The following PARP10 variants were observed in gnomAD, a reference collection of about 807,000 sequenced individuals.
The protein encoded by PARP10 is protein mono-ADP-ribosyltransferase PARP10.
Under a neutral mutation model 82.4 loss-of-function variants are expected in PARP10, and 56 were observed. That is an observed-to-expected ratio of 0.68 (90% confidence interval 0.55 to 0.85). The LOEUF is 0.85. PARP10 is among the 40% of genes least tolerant of loss of function. The pLI is 0.00. For missense variants in PARP10, 1,227 were observed against 1,379.4 expected (o/e 0.89, Z 1.75); for synonymous variants, 576 against 601.1 (o/e 0.96, Z 0.61).
At position 143,977,505 on chromosome 8, in the gene PARP10, C is replaced by G. The variant is rs781846023; in HGVS notation, c.3057G>C (p.Pro1019=). The change falls in exon 11 of 11, where the codon CCG becomes CCC. Residue 1019 remains proline, a synonymous_variant. Transcript: ENST00000313028. ...TCGGTTAAGTGTCTGGGGAGCGGCCCGGGAGCCCAGAGGGGTCGTCGGGGG... is the reference window on the plus strand; with the variant it reads ...TCGGTTAAGTGTCTGGGGAGCGGCCGGGGAGCCCAGAGGGGTCGTCGGGGG... ...RASPDDPSGL[P]GRSPDT is the part of the protein sequence containing the mutation. 1.9e-6 allele frequency: 3 copies of G among 1,553,136 alleles called. No individual in the cohort carries two copies. The highest frequency in any genetic ancestry group is 1.7e-6 in the Non-Finnish European group (2 of 1,148,360).
chr8:143,989,382 A>G (rs551354374), upstream of PARP10: 2 of 152,382 alleles, frequency 1.3e-5, no homozygotes, highest in South Asian at 4.1e-4. The surrounding 1 kb of genome is among the most constrained non-coding windows in gnomAD (Gnocchi z 4.3). Context: ...TGTGAAAACA[A>G]GACATCGTAT....
chr8:143,996,989 G>C (rs976462416), intron 1 of PARP10, among the ~76,000 whole-genome samples: 3 of 152,154 alleles, frequency 2.0e-5, no homozygotes, highest in Non-Finnish European at 4.4e-5. Flanking sequence ...CAGCGGGAAG[G>C]GGGAGGGGAG....
Position 143,983,581 on chromosome 8 carries a change from C to T in PARP10, c.2008G>A (p.Val670Met). 1 of 1,606,308 alleles carries T rather than the reference C, an allele frequency of 6.2e-7. No homozygotes were observed. Among genetic ancestry groups the T allele is most frequent in the South Asian group, 1.1e-5 (1 of 89,766 alleles). Residue 670 changes from valine (V) to methionine (M), a missense_variant, in exon 8 of 11, where the codon GTG (valine) becomes ATG (methionine). Physicochemically the swap from Val to Met is conservative, Grantham distance 21. Transcript: ENST00000313028. ...GCAGCAGCCTCCTCCTGCTCAGCCA[C>T]CTGACCTTGAGGCTCCAGTGACCGG... ...LHRSLEPQGQVAEQEEAAALR... is the reference protein window; with the variant it reads ...LHRSLEPQGQMAEQEEAAALR...
At chr8:144,005,664 C>T (rs1334573834) in intron 1 of PARP10, among the ~76,000 whole-genome samples, 6 of 151,970 alleles carry the variant, frequency 3.9e-5, no homozygotes, top group African/African-American at 1.5e-4. Context: ...GATTCCCCTC[C>T]ATCTCATTGG....
intron 1 of PARP10, among the ~76,000 whole-genome samples, chr8:144,005,806 G>C (rs1429911308): frequency 1.3e-5 from 2 of 152,036 alleles, no homozygotes; most frequent in Non-Finnish European, 2.9e-5. Flanking sequence ...CTCCCAAGCA[G>C]CACCTTGTCA....
chr8:143,986,173 G>A lies in PARP10; in HGVS notation c.63C>T (p.Ala21=), dbSNP rs782340353. ...VAVEVRGLPP[A]VPDELLTLYF... ...AGAGAGTGAGCAGCTCGTCGGGCAC[G>A]GCAGGGGGCAGTCCACGGACCTCCA... is the stretch of plus-strand genomic sequence containing the variant. Residue 21 remains alanine (A), a synonymous_variant, in exon 2 of 11, where the codon GCC becomes GCT. Coordinates refer to ENST00000313028, the MANE Select transcript of PARP10 (RefSeq NM_032789.5). 13 of 1,613,832 alleles carry A rather than the reference G, an allele frequency of 8.1e-6. No homozygotes were observed. In the Admixed American group the frequency reaches 1.0e-4, roughly 12 times the overall value.
At chr8:144,012,260 G>A (rs6985603) in intron 1 of PARP10, among the ~76,000 whole-genome samples, 29 of 152,098 alleles carry the variant, frequency 1.9e-4, no homozygotes, top group Admixed American at 4.6e-4. Flanking sequence ...TGAAGTTGGC[G>A]AGACAGAGAA....
chr8:143,997,981 C>T (rs549681366), intron 1 of PARP10, among the ~76,000 whole-genome samples: 17 of 152,032 alleles, frequency 1.1e-4, no homozygotes, highest in Non-Finnish European at 2.1e-4. Flanking sequence ...TTTGTAGAAA[C>T]AGGGTCTTGC....
Position 143,985,405 on chromosome 8 carries a change from C to A in PARP10, c.673+7G>T. 1 of 1,606,708 alleles carries A rather than the reference C, an allele frequency of 6.2e-7. No individual in the cohort carries two copies. Among genetic ancestry groups the A allele is most frequent in the Non-Finnish European group, 8.5e-7 (1 of 1,176,522 alleles). On this transcript the variant is annotated splice_region_variant and intron_variant, in intron 4 of 10. Coordinates refer to ENST00000313028, the MANE Select transcript of PARP10 (RefSeq NM_032789.5). ...ACGGTCGGCTGGGTCTGCCCAGCCCCACTCACCTTGCCACTGCTGGAAGGA... is the reference window on the plus strand; with the variant it reads ...ACGGTCGGCTGGGTCTGCCCAGCCCAACTCACCTTGCCACTGCTGGAAGGA...
chr8:143,987,782 T>A (rs1460971541), upstream of PARP10, among the ~76,000 whole-genome samples: 1 of 152,032 alleles, frequency 6.6e-6, no homozygotes, highest in African/African-American at 2.4e-5. Context: ...TCTCAGCTAC[T>A]CAGGAGGCTG....
At chr8:143,994,728 G>A (rs2133069883), upstream of PARP10, among the ~76,000 whole-genome samples, 1 of 152,254 alleles carries the variant, frequency 6.6e-6, no homozygotes, top group Non-Finnish European at 1.5e-5. Flanking sequence ...CTCTGCAGCG[G>A]CTAATCACAT....
chr8:143,993,950 C>T (rs782408863), upstream of PARP10, among the ~76,000 whole-genome samples: 3 of 152,220 alleles, frequency 2.0e-5, no homozygotes, highest in Non-Finnish European at 4.4e-5. Flanking sequence ...CTGCCCAGGC[C>T]CGGTCCTTTG....
chr8:143,984,331 CT>C lies in PARP10; in HGVS notation c.1558del (p.Ser520AlafsTer71). 6.2e-7 allele frequency: 1 copy of C among 1,613,906 alleles called. No individual in the cohort carries two copies. Among genetic ancestry groups the C allele is most frequent in the Non-Finnish European group, 8.5e-7 (1 of 1,180,006 alleles). ...TTCTGGGCCCAGGAGAAACCTGGCGCTGCCCGGGTGCTCCAGGCACAACACA... is the reference window on the plus strand; with the variant it reads ...TTCTGGGCCCAGGAGAAACCTGGCGCGCCCGGGTGCTCCAGGCACAACACA... ...CHVLCLEHPG[S>X]ARFLLGPEGQ... On this transcript the variant is annotated frameshift_variant, in exon 6 of 11. Transcript: ENST00000313028. LOFTEE classifies it high-confidence loss of function.
Position 143,984,195 on chromosome 8 carries a change from G to A in PARP10, c.1680+15C>T. ...CGTGAGAAAGGGGAGGGCAGGGGTGGGACTCCATCTCTACCTCTTCAAGGC... is the reference window on the plus strand; with the variant it reads ...CGTGAGAAAGGGGAGGGCAGGGGTGAGACTCCATCTCTACCTCTTCAAGGC... On this transcript the variant is annotated intron_variant, in intron 6 of 10. Coordinates refer to ENST00000313028, the MANE Select transcript of PARP10 (RefSeq NM_032789.5). 1 of 1,605,890 alleles carries A rather than the reference G, an allele frequency of 6.2e-7. No individual in the cohort carries two copies. Among genetic ancestry groups the A allele is most frequent in the Non-Finnish European group, 8.5e-7 (1 of 1,173,596 alleles).
In PARP10 at chr8:143,985,974, G is replaced by A. The variant is rs782780055; in HGVS notation, c.183C>T (p.Asp61=). 17 of 1,592,206 alleles carry A rather than the reference G, an allele frequency of 1.1e-5. No individual in the cohort carries two copies. The highest frequency in any genetic ancestry group is 4.5e-5 in the South Asian group (4 of 89,662). ...GGVLTFREPA[D]AERVLAQADH... ...CTGCCTGGGCCAAGACCCTCTCGGC[G>A]TCTGTGGGCAGGGGCGGGGCAGGAT... Residue 61 remains aspartate (D), a splice_region_variant and synonymous_variant, in exon 3 of 11, where the codon GAC becomes GAT. Coordinates refer to ENST00000313028, the MANE Select transcript of PARP10 (RefSeq NM_032789.5).
intron 7 of PARP10, 60 bp from the exon 8 acceptor site, chr8:143,983,871 G>A: frequency 1.3e-6 from 2 of 1,520,442 alleles, no homozygotes; most frequent in East Asian, 2.3e-5. Flanking sequence ...TGGAATGGAT[G>A]AAAGATGGGG....
At chr8:143,985,354 G>T in intron 4 of PARP10, 26 bp from the exon 5 acceptor site, 1 of 1,593,420 alleles carries the variant, frequency 6.3e-7, no homozygotes, top group Non-Finnish European at 8.6e-7. Context: ...AGGACAGAAA[G>T]CCTGTCAGAT....
In PARP10 at chr8:144,012,659, C is replaced by T. The variant is rs151275778; in HGVS notation, c.-209G>A. ...CGATCAAGACTCAGGCAGGCGGGCTCGGCATCAGCGGGTTCACGAGTGGGC... is the reference window on the plus strand; with the variant it reads ...CGATCAAGACTCAGGCAGGCGGGCTTGGCATCAGCGGGTTCACGAGTGGGC... On this transcript the variant is annotated 5_prime_UTR_variant, in exon 1 of 4. Transcript: ENST00000530478. 1,517 of 1,551,704 alleles carry T rather than the reference C, an allele frequency of 9.8e-4. 13 individuals carry two copies. In the African/African-American group the frequency reaches 0.018, roughly 18 times the overall value.
At chr8:144,005,221 T>C (rs1486759276) in intron 1 of PARP10, among the ~76,000 whole-genome samples, 1 of 146,986 alleles carries the variant, frequency 6.8e-6, no homozygotes, top group Non-Finnish European at 1.5e-5. Flanking sequence ...AAGGAGAGCA[T>C]CGGGGAGGGA....
Sources: gnomAD v4.1 joint callset for allele counts (sites outside exome capture counted in the v4.1 genomes callset) on GRCh38, gnomAD v4.1.1 for gene constraint, Gnocchi (gnomAD v3.1) non-coding constraint, MANE v1.5 for transcripts, NCBI Gene and HGNC (gene_info 2026-07-23, HGNC 2026-07-21) for gene names.